The following LGI2 variants were observed in gnomAD, a reference collection of about 807,000 sequenced individuals.
LGI2 encodes leucine-rich repeat LGI family member 2.
In LGI2, 30 loss-of-function variants were observed where a neutral mutation model predicts 52.0. The observed-to-expected ratio is 0.58, with a 90% CI of 0.43 to 0.78. The LOEUF (loss-of-function observed/expected upper bound fraction) is 0.78. LGI2 is among the 30% of genes least tolerant of loss of function. The pLI is 0.00. For synonymous variants in LGI2, 270 were observed against 271.8 expected, an observed-to-expected ratio of 0.99 and a Z score of 0.06; for missense variants, 573 against 692.5, an observed-to-expected ratio of 0.83 and a Z score of 1.94.
In LGI2 at chr4:25,012,313, T is replaced by A. The variant is rs771616370; in HGVS notation, c.820+22A>T. Reference sequence around the variant, plus strand: ...GCAATGCTGAAATTAGTTCAACACATCTGATCAAAGCCACAACACACCTGT... The same window carrying A: ...GCAATGCTGAAATTAGTTCAACACAACTGATCAAAGCCACAACACACCTGT... On this transcript the variant is annotated intron_variant, in intron 7 of 7. Coordinates refer to ENST00000382114, the MANE Select transcript of LGI2 (RefSeq NM_018176.4). 18 of 1,613,416 alleles carry A rather than the reference T, an allele frequency of 1.1e-5. No individual in the cohort carries two copies. In the Admixed American group the frequency reaches 1.7e-4, roughly 15 times the overall value.
intron 4 of LGI2, among the ~76,000 whole-genome samples, chr4:25,024,602 G>A (rs1417982032): frequency 2.6e-5 from 4 of 152,200 alleles, no homozygotes; most frequent in African/African-American, 9.7e-5. Flanking sequence ...ACAGTCATGT[G>A]GCCTATAACT....
intron 6 of LGI2, among the ~76,000 whole-genome samples, chr4:25,016,837 A>G (rs1725778758): frequency 6.6e-6 from 1 of 152,172 alleles, no homozygotes; most frequent in South Asian, 2.1e-4. Flanking sequence ...TTCTCCTGAC[A>G]TGACTTGAGG....
intron 1 of LGI2, 145 bp from the exon 2 acceptor site, chr4:25,028,723 C>A: frequency 3.0e-6 from 2 of 669,486 alleles, no homozygotes; most frequent in East Asian, 5.6e-5. Context: ...GGATCTTCCC[C>A]GGGGTAGGAA....
chr4:25,014,202 C>G (rs556661134), intron 6 of LGI2, among the ~76,000 whole-genome samples: 1 of 152,292 alleles, frequency 6.6e-6, no homozygotes, highest in East Asian at 1.9e-4. Context: ...CTACTGCACT[C>G]TGAATTCTCA....
downstream of LGI2, among the ~76,000 whole-genome samples, chr4:24,994,570 T>C (rs1449296402): frequency 6.6e-6 from 1 of 152,120 alleles, no homozygotes; most frequent in Non-Finnish European, 1.5e-5. Flanking sequence ...CTCCCTCTGG[T>C]CTGCCTGCCA....
chr4:25,018,189 C>A (rs371646484), intron 5 of LGI2, 31 bp from the exon 6 acceptor site: 55 of 1,494,576 alleles, frequency 3.7e-5, no homozygotes, highest in African/African-American at 2.4e-4. Flanking sequence ...CAAACACATA[C>A]AAAGAGAAAT....
At chr4:25,011,332 G>T (rs1284726443) in intron 7 of LGI2, among the ~76,000 whole-genome samples, 1 of 152,130 alleles carries the variant, frequency 6.6e-6, no homozygotes, top group Non-Finnish European at 1.5e-5. Context: ...ACTTCCAAGA[G>T]CGTTACTCTC....
In LGI2 at chr4:25,028,632, T is replaced by C. The variant is rs989714748; in HGVS notation, c.198-54A>G. On this transcript the variant is annotated intron_variant, in intron 1 of 7. Transcript: ENST00000382114. Reference sequence around the variant, plus strand: ...CCTAGGTTTCTTTTAGGAAGTGCCATGCAGGGTGGGTAATCAAACTCTGCC... The same window carrying C: ...CCTAGGTTTCTTTTAGGAAGTGCCACGCAGGGTGGGTAATCAAACTCTGCC... 4.0e-6 allele frequency: 6 copies of C among 1,490,920 alleles called. No homozygotes were observed. The African/African-American group carries it at 4.1e-5, about 10-fold the overall frequency. The allele number at this position is 1,490,920 out of a possible 1,614,324, so 92.4% of individuals were successfully genotyped here. A position where few individuals can be genotyped will look rare whatever the true frequency, so the allele number is the denominator to read the frequency against.
intron 6 of LGI2, among the ~76,000 whole-genome samples, chr4:25,014,768 T>A (rs992274885): frequency 6.9e-6 from 1 of 145,446 alleles, no homozygotes. Context: ...GAGTCTGAGG[T>A]TGCAGTGAGC....
At position 25,003,342 on chromosome 4, in the gene LGI2, T is replaced by G; in HGVS notation, c.*109A>C. 1.3e-6 allele frequency: 1 copy of G among 789,704 alleles called. No homozygotes were observed. The highest frequency in any genetic ancestry group is 2.0e-6 in the Non-Finnish European group (1 of 506,292). 48.9% of individuals were successfully genotyped at this position (789,704 alleles called of 1,614,324 possible). ...TGAAAACATCTAACTATTTCAGTGC[T>G]TTTTAATTTCAGAGCTCTGAGCCTG... On this transcript the variant is annotated 3_prime_UTR_variant, in exon 8 of 8. Transcript: ENST00000382114.
intron 6 of LGI2, among the ~76,000 whole-genome samples, chr4:25,014,484 C>CCCAAAA (rs1553871855): frequency 8.6e-6 from 1 of 116,800 alleles, no homozygotes; most frequent in African/African-American, 3.5e-5. Context: ...CCGCCCCCGC[C>CCCAAAA]AAAAAAAAGG....
At chr4:25,027,475 A>G (rs1399031392) in intron 2 of LGI2, among the ~76,000 whole-genome samples, 1 of 152,106 alleles carries the variant, frequency 6.6e-6, no homozygotes, top group East Asian at 1.9e-4. Context: ...TCATCACCCA[A>G]GTCTACTGGC....
At chr4:25,024,166 C>T (rs995921308) in intron 4 of LGI2, among the ~76,000 whole-genome samples, 1 of 152,164 alleles carries the variant, frequency 6.6e-6, no homozygotes, top group African/African-American at 2.4e-5. Flanking sequence ...GAAGAGAAGG[C>T]TCACTAAGCA....
In LGI2 at chr4:25,001,775, C is replaced by T. The variant is rs778813654; in HGVS notation, c.*1676G>A. Reference sequence around the variant, plus strand: ...GCTGATGTAACATCAATGCTTCATTCTCTGAGTGCTATTTATTGTCTCAAT... The same window carrying T: ...GCTGATGTAACATCAATGCTTCATTTTCTGAGTGCTATTTATTGTCTCAAT... On this transcript the variant is annotated 3_prime_UTR_variant, in exon 8 of 8. Transcript: ENST00000382114. 6.6e-6 allele frequency: 1 copy of T among 151,898 alleles called. No homozygotes were observed. Among genetic ancestry groups the T allele is most frequent in the Admixed American group, 6.6e-5 (1 of 15,236 alleles). 9.4% of individuals were successfully genotyped at this position (151,898 alleles called of 1,614,324 possible).
At chr4:25,030,338 C>T (rs1166732005) in intron 1 of LGI2, among the ~76,000 whole-genome samples, 159 bp downstream of exon 1, 3 of 152,140 alleles carry the variant, frequency 2.0e-5, no homozygotes, top group East Asian at 3.9e-4. Context: ...CCGTCCTCCC[C>T]GGGGGCCAAC....
chr4:25,029,595 C>A (rs1726259362), intron 1 of LGI2, among the ~76,000 whole-genome samples: 1 of 152,252 alleles, frequency 6.6e-6, no homozygotes, highest in Non-Finnish European at 1.5e-5. Context: ...AGCCCAACAG[C>A]CCCTTCCACC....
chr4:25,011,666 G>T (rs1211775316), intron 7 of LGI2, among the ~76,000 whole-genome samples: 1 of 152,206 alleles, frequency 6.6e-6, no homozygotes, highest in Non-Finnish European at 1.5e-5. Context: ...TTGTGGCACT[G>T]TTTACACAGT....
intron 3 of LGI2, 56 bp downstream of exon 3, chr4:25,026,812 C>G: frequency 1.4e-6 from 2 of 1,393,372 alleles, no homozygotes; most frequent in Non-Finnish European, 2.0e-6. Flanking sequence ...GAAACCAATC[C>G]AGAAATTCTA....
chr4:25,014,491 A>AC, intron 6 of LGI2, among the ~76,000 whole-genome samples: 1 of 142,838 alleles, frequency 7.0e-6, no homozygotes, highest in East Asian at 2.2e-4. Flanking sequence ...CGCCAAAAAA[A>AC]AGGAAGGAGA....
Sources: gnomAD v4.1 joint callset for allele counts (sites outside exome capture counted in the v4.1 genomes callset) on GRCh38, gnomAD v4.1.1 for gene constraint, MANE v1.5 for transcripts, NCBI Gene and HGNC (gene_info 2026-07-23, HGNC 2026-07-21) for gene names.